PALS2: variants seen among roughly 807,000 people sequenced by gnomAD.
The protein encoded by PALS2 is protein PALS2.
PALS2 carries 27 observed loss-of-function variants against 61.6 expected under a neutral mutation model. That is an observed-to-expected ratio of 0.44 (90% CI 0.32 to 0.60). The LOEUF is 0.60. Among genes scored for constraint, PALS2 ranks in the 20% least tolerant of loss-of-function variants. The pLI is 0.05. For missense variants in PALS2, 554 were observed against 639.4 expected, an observed-to-expected ratio of 0.87 and a Z score of 1.44; for synonymous variants, 236 against 218.6, an observed-to-expected ratio of 1.08 and a Z score of -0.70.
chr7:24,630,231 A>G (rs1191727894), intron 2 of PALS2, among the ~76,000 whole-genome samples: 1 of 152,204 alleles, frequency 6.6e-6, no homozygotes, highest in African/African-American at 2.4e-5. Flanking sequence ...ACAGGAGCAG[A>G]AAACCAAACA....
intron 3 of PALS2, among the ~76,000 whole-genome samples, chr7:24,647,151 A>ATTT (rs761802777): frequency 5.0e-5 from 7 of 139,660 alleles, no homozygotes; most frequent in African/African-American, 1.8e-4. Context: ...AATTTAATTA[A>ATTT]TTTTTTTTTT....
chr7:24,635,238 A>G (rs1296331356), intron 2 of PALS2, among the ~76,000 whole-genome samples: 1 of 152,178 alleles, frequency 6.6e-6, no homozygotes, highest in Non-Finnish European at 1.5e-5. Flanking sequence ...ACAATGTTTT[A>G]TAATTTTCAG....
chr7:24,588,275 T>G (rs1256789629), intron 1 of PALS2, among the ~76,000 whole-genome samples: 1 of 152,208 alleles, frequency 6.6e-6, no homozygotes, highest in African/African-American at 2.4e-5. Context: ...ACCATATAGA[T>G]TCTTACTCTT....
intron 9 of PALS2, chr7:24,674,205 A>G (rs750815307): frequency 3.3e-5 from 5 of 152,744 alleles, no homozygotes; most frequent in Non-Finnish European, 7.3e-5. Context: ...AGTACAGTTA[A>G]TATGGCAGAA....
chr7:24,680,557 C>T, intron 11 of PALS2, 37 bp downstream of exon 11: 2 of 1,587,886 alleles, frequency 1.3e-6, no homozygotes. Context: ...TAAAATCTTT[C>T]CTTTTCTTTT....
intron 5 of PALS2, among the ~76,000 whole-genome samples, chr7:24,652,937 C>T (rs1431370968): frequency 6.6e-6 from 1 of 152,168 alleles, no homozygotes; most frequent in Non-Finnish European, 1.5e-5. Context: ...TTTTGAGGGC[C>T]AGAGTGAGTT....
At position 24,668,727 on chromosome 7, in the gene PALS2, G is replaced by C. The variant is rs1787156901; in HGVS notation, c.1114+67G>C. 6 of 1,532,756 alleles carry C rather than the reference G, an allele frequency of 3.9e-6. No homozygotes were observed. The Admixed American group carries it at 1.1e-4, about 29-fold the overall frequency. 94.9% of individuals were successfully genotyped at this position (1,532,756 alleles called of 1,614,324 possible). Reference sequence around the variant, plus strand: ...AGAGTATGGGCATATGGAGGAAAGGGGGATTATTATCATTAGTTATTGTTA... The same window carrying C: ...AGAGTATGGGCATATGGAGGAAAGGCGGATTATTATCATTAGTTATTGTTA... On this transcript the variant is annotated intron_variant, in intron 9 of 11. Coordinates refer to ENST00000222644, the MANE Select transcript of PALS2 (RefSeq NM_001303037.2).
chr7:24,629,436 T>C (rs1784892473), intron 2 of PALS2, among the ~76,000 whole-genome samples: 1 of 152,168 alleles, frequency 6.6e-6, no homozygotes, highest in Admixed American at 6.5e-5. Flanking sequence ...GAGCACAGAC[T>C]TCATGATTAA....
intron 1 of PALS2, among the ~76,000 whole-genome samples, chr7:24,616,964 T>C (rs1344187775): frequency 5.3e-5 from 8 of 152,218 alleles, no homozygotes; most frequent in Admixed American, 5.2e-4. Context: ...CTCCCAAGAC[T>C]TGGGAAGTTT....
chr7:24,643,433 A>C (rs868424561), intron 3 of PALS2, among the ~76,000 whole-genome samples: 1 of 152,112 alleles, frequency 6.6e-6, no homozygotes, highest in Non-Finnish European at 1.5e-5. Context: ...TCTATGCACA[A>C]ATGTACATAT....
rs1788432322 is a variant in PALS2 at position 24,690,826 on chromosome 7, C to T, written c.*3212C>T. On this transcript the variant is annotated 3_prime_UTR_variant, in exon 12 of 12. Coordinates refer to ENST00000222644, the MANE Select transcript of PALS2 (RefSeq NM_001303037.2). ...TCTGAAATAGAAATTATAAGAGAAA[C>T]CCAGTATGCCTACAGCATTAGTAGC... 6.6e-6 allele frequency: 1 copy of T among 152,016 alleles called. No individual in the cohort carries two copies. The highest frequency in any genetic ancestry group is 2.4e-5 in the African/African-American group (1 of 41,380). The allele number at this position is 152,016 out of a possible 1,614,324, so 9.4% of individuals were successfully genotyped here.
At chr7:24,647,316 T>G (rs943413209) in intron 3 of PALS2, among the ~76,000 whole-genome samples, 1 of 152,052 alleles carries the variant, frequency 6.6e-6, no homozygotes, top group African/African-American at 2.4e-5. Context: ...ACCCAGCTAA[T>G]TTTTGTATTT....
intron 3 of PALS2, among the ~76,000 whole-genome samples, chr7:24,647,431 G>C (rs2711109): frequency 0.42 from 64,619 of 152,084 alleles, 16,520 homozygotes; most frequent in East Asian, 0.72. Context: ...TTACAGGCGT[G>C]AGCCATCATA....
At chr7:24,632,069 A>T (rs1464001599) in intron 2 of PALS2, among the ~76,000 whole-genome samples, 4 of 152,196 alleles carry the variant, frequency 2.6e-5, no homozygotes, top group African/African-American at 9.6e-5. Flanking sequence ...ATAATAGTAG[A>T]TTAACCTATC....
intron 2 of PALS2, among the ~76,000 whole-genome samples, chr7:24,626,450 C>T (rs1006474020): frequency 6.6e-6 from 1 of 151,882 alleles, no homozygotes; most frequent in Non-Finnish European, 1.5e-5. Flanking sequence ...TTCCCCTTTG[C>T]AGTTACTGCC....
At chr7:24,666,744 A>G (rs577968608) in intron 8 of PALS2, 1 of 152,298 alleles carries the variant, frequency 6.6e-6, no homozygotes, top group African/African-American at 2.4e-5. Flanking sequence ...AAAGCTGAAA[A>G]GATTTTTAAA....
chr7:24,630,214 A>C (rs2128062111), intron 2 of PALS2, among the ~76,000 whole-genome samples: 1 of 152,288 alleles, frequency 6.6e-6, no homozygotes, highest in South Asian at 2.1e-4. Flanking sequence ...ATTTTCAGCA[A>C]AATAACACAG....
intron 5 of PALS2, among the ~76,000 whole-genome samples, chr7:24,662,768 G>GGAAA (rs1786793122): frequency 2.9e-5 from 3 of 102,614 alleles, no homozygotes; most frequent in African/African-American, 3.0e-5. Context: ...GACTCCATCT[G>GGAAA]AAAAAAAAAA....
intron 9 of PALS2, among the ~76,000 whole-genome samples, chr7:24,678,774 T>G (rs1787760177): frequency 6.6e-6 from 1 of 152,154 alleles, no homozygotes; most frequent in African/African-American, 2.4e-5. Flanking sequence ...AAGAAGCATA[T>G]TTTTGGATAC....
Sources: gnomAD v4.1 joint callset for allele counts (sites outside exome capture counted in the v4.1 genomes callset) on GRCh38, gnomAD v4.1.1 for gene constraint, MANE v1.5 for transcripts, NCBI Gene and HGNC (gene_info 2026-07-23, HGNC 2026-07-21) for gene names.